The following PHYHIPL variants were observed in gnomAD, a reference collection of about 807,000 sequenced individuals.
PHYHIPL encodes the protein phytanoyl-CoA hydroxylase-interacting protein-like.
A neutral mutation model predicts 33.4 loss-of-function variants in PHYHIPL; 9 were observed. The observed-to-expected ratio is 0.27, with a 90% CI of 0.16 to 0.47. The LOEUF is 0.47. PHYHIPL is among the 20% of genes least tolerant of loss of function. The pLI is 0.99. For missense variants in PHYHIPL, 365 were observed against 460.7 expected (o/e 0.79, Z 1.90); for synonymous variants, 153 against 154.1 (o/e 0.99, Z 0.05).
chr10:59,241,608 T>G (rs1293857871), intron 4 of PHYHIPL, among the ~76,000 whole-genome samples: 2 of 152,152 alleles, frequency 1.3e-5, no homozygotes, highest in African/African-American at 2.4e-5. Context: ...AGTACATATT[T>G]TCTGTTTATA....
At chr10:59,214,638 T>C (rs1839558931) in intron 1 of PHYHIPL, among the ~76,000 whole-genome samples, 1 of 152,046 alleles carries the variant, frequency 6.6e-6, no homozygotes, top group South Asian at 2.1e-4. Context: ...AGAAAGGAAA[T>C]ATAAATACAA....
chr10:59,185,280 G>A (rs1409689542), intron 1 of PHYHIPL, among the ~76,000 whole-genome samples: 2 of 152,118 alleles, frequency 1.3e-5, no homozygotes, highest in Non-Finnish European at 2.9e-5. Context: ...ATGAGCCACC[G>A]CGCCCGGCCG....
chr10:59,180,359 T>C lies in PHYHIPL; in HGVS notation c.106+3400T>C, dbSNP rs866921337. ...ATATATATATATATATATATATATA[T>C]ATACTTTTTCTTCCTCGTTGAACAG... On this transcript the variant is annotated intron_variant, in intron 1 of 4. Coordinates refer to ENST00000373880, the MANE Select transcript of PHYHIPL (RefSeq NM_032439.4). Among the ~76,000 whole-genome samples the C allele has an allele frequency of 1.8e-3, 206 of 112,494 alleles. 1 individual carries two copies. The highest frequency in any genetic ancestry group is 6.3e-3 in the African/African-American group (188 of 29,930). 73.8% of individuals were successfully genotyped at this position (112,494 alleles called of 152,430 possible). A position where few individuals can be genotyped will look rare whatever the true frequency, so the allele number is the denominator to read the frequency against.
intron 1 of PHYHIPL, among the ~76,000 whole-genome samples, chr10:59,202,429 T>A (rs1369614982): frequency 6.6e-6 from 1 of 152,198 alleles, no homozygotes; most frequent in Non-Finnish European, 1.5e-5. Context: ...AGCATTAGAG[T>A]AACATTGTCT....
At chr10:59,197,898 T>TC (rs1320065537) in intron 1 of PHYHIPL, among the ~76,000 whole-genome samples, 1 of 152,148 alleles carries the variant, frequency 6.6e-6, no homozygotes, top group Non-Finnish European at 1.5e-5. Context: ...TAATGAAGTT[T>TC]CATTTGTGTG....
Position 59,238,683 on chromosome 10 carries a change from A to C in PHYHIPL, c.574A>C (p.Lys192Gln), listed in dbSNP as rs753227957. The change falls in exon 4 of 5, where the codon AAA (lysine) becomes CAA (glutamine). Residue 192 changes from lysine (K) to glutamine (Q), a missense_variant. By Grantham distance (53) the Lys-to-Gln change is moderately conservative (BLOSUM62 1). Transcript: ENST00000373880. The stretch of plus-strand genomic sequence containing the variant: ...TTCTGTTTTTTATCGTAATCAGCAC[A>C]AAGAATATTTTGACTATGTTCGGTA... Reference protein sequence around the residue: ...KFSVFYRNQHKEYFDYVREHH... With the variant: ...KFSVFYRNQHQEYFDYVREHH... The C allele has an allele frequency of 6.3e-7, 1 of 1,590,996 alleles. No homozygotes were observed.
chr10:59,200,578 A>C (rs1839071211), intron 1 of PHYHIPL, among the ~76,000 whole-genome samples: 1 of 152,134 alleles, frequency 6.6e-6, no homozygotes, highest in Non-Finnish European at 1.5e-5. Flanking sequence ...TCATAAAATG[A>C]GTTAGGGAGG....
chr10:59,207,973 G>A (rs550405383), intron 1 of PHYHIPL, among the ~76,000 whole-genome samples: 1 of 152,218 alleles, frequency 6.6e-6, no homozygotes, highest in South Asian at 2.1e-4. Context: ...GCACCTGGGG[G>A]AAGGGACGGC....
chr10:59,228,228 CA>C (rs1480009924), intron 1 of PHYHIPL, among the ~76,000 whole-genome samples: 1 of 151,746 alleles, frequency 6.6e-6, no homozygotes, highest in Non-Finnish European at 1.5e-5. Flanking sequence ...GAATAGAATA[CA>C]AAAAGATTGC....
At chr10:59,178,871 A>G (rs1489801829) in intron 1 of PHYHIPL, among the ~76,000 whole-genome samples, 1 of 152,118 alleles carries the variant, frequency 6.6e-6, no homozygotes, top group Non-Finnish European at 1.5e-5. Flanking sequence ...AAATTATGTA[A>G]CATTTAATTT....
chr10:59,186,938 A>G (rs1368851351), intron 1 of PHYHIPL, among the ~76,000 whole-genome samples: 2 of 152,102 alleles, frequency 1.3e-5, no homozygotes, highest in Non-Finnish European at 2.9e-5. Flanking sequence ...CTCTTTTCCT[A>G]ATTGAATGCA....
chr10:59,205,402 G>GT (rs1049234654), intron 1 of PHYHIPL, among the ~76,000 whole-genome samples: 1 of 152,010 alleles, frequency 6.6e-6, no homozygotes, highest in East Asian at 1.9e-4. Flanking sequence ...TTACAACCAT[G>GT]TTTTTCTTTC....
intron 1 of PHYHIPL, among the ~76,000 whole-genome samples, chr10:59,180,657 ATACT>A (rs1370922531): frequency 6.6e-6 from 1 of 152,156 alleles, no homozygotes; most frequent in East Asian, 1.9e-4. Flanking sequence ...GTCTCTAACA[ATACT>A]TACGTGGAAA....
chr10:59,221,238 C>T (rs1400056214), intron 1 of PHYHIPL, among the ~76,000 whole-genome samples: 1 of 151,860 alleles, frequency 6.6e-6, no homozygotes, highest in East Asian at 1.9e-4. Flanking sequence ...ACTTGATTTG[C>T]TGGATAGTTT....
chr10:59,233,479 G>C (rs1266180914), intron 1 of PHYHIPL, among the ~76,000 whole-genome samples: 1 of 151,584 alleles, frequency 6.6e-6, no homozygotes, highest in East Asian at 1.9e-4. Flanking sequence ...CCTGGGGAAA[G>C]GGAATGTAGA....
chr10:59,180,314 G>GTATGTGTGTATATA (rs1491252242), intron 1 of PHYHIPL, among the ~76,000 whole-genome samples: 2 of 86,170 alleles, frequency 2.3e-5, no homozygotes, highest in African/African-American at 1.0e-4. Context: ...TATAGAAAAA[G>GTATGTGTGTATATA]TATATATATA....
intron 1 of PHYHIPL, among the ~76,000 whole-genome samples, chr10:59,216,139 G>C (rs1323765206): frequency 2.0e-5 from 3 of 152,012 alleles, no homozygotes; most frequent in Non-Finnish European, 4.4e-5. Flanking sequence ...GGAAGAGAGA[G>C]GAATTTACAG....
chr10:59,224,538 A>AT lies in PHYHIPL; in HGVS notation c.107-9766_107-9765insT, dbSNP rs564091172. Among the ~76,000 whole-genome samples the AT allele has an allele frequency of 1.5e-3, 221 of 151,678 alleles. 2 individuals are homozygous for AT. The South Asian group carries it at 0.021, about 14-fold the overall frequency. On this transcript the variant is annotated intron_variant, in intron 1 of 4. Coordinates refer to ENST00000373880, the MANE Select transcript of PHYHIPL (RefSeq NM_032439.4). ...ACAAAACAAAACAGAAGAGCAATTG[A>AT]ACTATATATCAAAAGGGTTTAAAAT...
chr10:59,209,898 C>T (rs1440552471), intron 1 of PHYHIPL, among the ~76,000 whole-genome samples: 1 of 152,034 alleles, frequency 6.6e-6, no homozygotes, highest in Non-Finnish European at 1.5e-5. Context: ...CCCTTCCTTA[C>T]ACCTTATACA....
Sources: gnomAD v4.1 joint callset for allele counts (sites outside exome capture counted in the v4.1 genomes callset) on GRCh38, gnomAD v4.1.1 for gene constraint, MANE v1.5 for transcripts, NCBI Gene and HGNC (gene_info 2026-07-23, HGNC 2026-07-21) for gene names.